MATN2: variants seen among roughly 807,000 people sequenced by gnomAD.
MATN2 encodes matrilin 2.
Under a neutral mutation model 103.2 loss-of-function variants are expected in MATN2, and 69 were observed. The observed-to-expected ratio is 0.67, with a 90% CI of 0.55 to 0.82. The LOEUF is 0.82. MATN2 is among the 40% of genes least tolerant of loss of function. The probability of loss-of-function intolerance (pLI) is 0.00; values close to 1 mark genes in which losing one functional copy is unlikely to be tolerated. For synonymous variants in MATN2, 429 were observed against 450.2 expected, an observed-to-expected ratio of 0.95 and a Z score of 0.60; for missense variants, 1,023 against 1,211.5, an observed-to-expected ratio of 0.84 and a Z score of 2.31.
At chr8:97,914,479 T>C (rs1253138307) in intron 2 of MATN2, among the ~76,000 whole-genome samples, 1 of 143,626 alleles carries the variant, frequency 7.0e-6, no homozygotes, top group Non-Finnish European at 1.5e-5. Flanking sequence ...CAAGCCATCC[T>C]CCTGCTTCAG....
chr8:97,916,041 TTTTTATTTTATTTTATTTTA>T lies in MATN2; in HGVS notation c.143-14887_143-14868del, dbSNP rs141785984. 3.1e-3 allele frequency among the ~76,000 whole-genome samples: 451 copies of T among 145,318 alleles called. 4 individuals are homozygous for T. The highest frequency in any genetic ancestry group is 0.01 in the African/African-American group (416 of 39,790). Reference sequence around the variant, plus strand: ...AATGTTTTAATATCACTGGCTATGGTTTTTATTTTATTTTATTTTATTTTATTTTATTTTATTTTATTTTT... The same window carrying T: ...AATGTTTTAATATCACTGGCTATGGTTTTTATTTTATTTTATTTTATTTTT... On this transcript the variant is annotated intron_variant, in intron 2 of 18. Coordinates refer to ENST00000254898, the MANE Select transcript of MATN2 (RefSeq NM_002380.5).
intron 5 of MATN2, among the ~76,000 whole-genome samples, chr8:97,970,431 T>C (rs1378100600): frequency 6.6e-6 from 1 of 152,218 alleles, no homozygotes; most frequent in Non-Finnish European, 1.5e-5. Context: ...TACTAGTGAA[T>C]TTATGCAGTA....
In MATN2 at chr8:97,992,628, C is replaced by T. The variant is rs998478341; in HGVS notation, c.1082-1852C>T. On this transcript the variant is annotated intron_variant, in intron 6 of 18. Transcript: ENST00000254898. ...GGGCACAGTGGCAGGCGCCTGTAATCCCAACTACTTGGGAGGCTGAGGCAG... is the reference window on the plus strand; with the variant it reads ...GGGCACAGTGGCAGGCGCCTGTAATTCCAACTACTTGGGAGGCTGAGGCAG... 7.9e-5 allele frequency among the ~76,000 whole-genome samples: 12 copies of T among 151,540 alleles called. No individual in the cohort carries two copies. In the East Asian group the frequency reaches 2.3e-3, roughly 29 times the overall value.
At chr8:97,908,324 A>G (rs547611318) in intron 2 of MATN2, among the ~76,000 whole-genome samples, 1 of 152,060 alleles carries the variant, frequency 6.6e-6, no homozygotes, top group South Asian at 2.1e-4. Context: ...ACAACTAGGA[A>G]TTAAGCCAGT....
At chr8:97,894,893 G>A (rs929971476) in intron 2 of MATN2, among the ~76,000 whole-genome samples, 2 of 149,768 alleles carry the variant, frequency 1.3e-5, no homozygotes, top group Non-Finnish European at 3.0e-5. Context: ...TTTTTTTTGA[G>A]ACAGAGTCTT....
At chr8:98,010,861 G>A (rs1813136650) in intron 10 of MATN2, among the ~76,000 whole-genome samples, 1 of 152,260 alleles carries the variant, frequency 6.6e-6, no homozygotes, top group Non-Finnish European at 1.5e-5. Flanking sequence ...AGATCTGCGA[G>A]GGCCTGTTAG....
At chr8:97,898,635 C>T (rs556338623) in intron 2 of MATN2, among the ~76,000 whole-genome samples, 3 of 151,900 alleles carry the variant, frequency 2.0e-5, no homozygotes, top group African/African-American at 7.2e-5. Flanking sequence ...TGACAAGCCA[C>T]CATGTGCCAG....
Position 97,888,247 on chromosome 8 carries a change from G to T in MATN2, c.142+5G>T, listed in dbSNP as rs1818513277. ...ACCCGCAGACGGCCCTTCTGGGTGAGTGGTGGTGCTCACCCCCAAAAGTGG... is the reference window on the plus strand; with the variant it reads ...ACCCGCAGACGGCCCTTCTGGGTGATTGGTGGTGCTCACCCCCAAAAGTGG... On this transcript the variant is annotated splice_donor_5th_base_variant and intron_variant, in intron 2 of 18. Transcript: ENST00000254898. 27 of 1,543,414 alleles carry T rather than the reference G, an allele frequency of 1.7e-5. No individual in the cohort carries two copies. Among genetic ancestry groups the T allele is most frequent in the Non-Finnish European group, 2.3e-5 (26 of 1,142,570 alleles).
chr8:97,933,241 T>C lies in MATN2; in HGVS notation c.712+1719T>C, dbSNP rs571223849. ...TGGCACTGCAGAGGCTGTGTTGTTGTGGTGTGTTGTGGCCTAAGTCAGCTG... is the reference window on the plus strand; with the variant it reads ...TGGCACTGCAGAGGCTGTGTTGTTGCGGTGTGTTGTGGCCTAAGTCAGCTG... On this transcript the variant is annotated intron_variant, in intron 3 of 18. Coordinates refer to ENST00000254898, the MANE Select transcript of MATN2 (RefSeq NM_002380.5). Among the ~76,000 whole-genome samples the C allele has an allele frequency of 7.2e-5, 11 of 152,330 alleles. No homozygotes were observed. In the East Asian group the frequency reaches 1.9e-3, roughly 27 times the overall value.
chr8:97,883,554 A>AT (rs552141646), intron 1 of MATN2, among the ~76,000 whole-genome samples: 75,392 of 133,148 alleles, frequency 0.57, 25,245 homozygotes, highest in Non-Finnish European at 0.75. Flanking sequence ...TTCCCAGCTA[A>AT]TTTTTTTTTT....
At chr8:97,904,079 C>T (rs886659012) in intron 2 of MATN2, among the ~76,000 whole-genome samples, 1 of 152,154 alleles carries the variant, frequency 6.6e-6, no homozygotes, top group Non-Finnish European at 1.5e-5. Context: ...ATTAAACTGG[C>T]AGATATTCCC....
chr8:97,932,739 G>A (rs1482553402), intron 3 of MATN2, among the ~76,000 whole-genome samples: 1 of 152,148 alleles, frequency 6.6e-6, no homozygotes, highest in South Asian at 2.1e-4. Context: ...ATCCTGATTT[G>A]GTAAACAATG....
intron 1 of MATN2, among the ~76,000 whole-genome samples, chr8:97,884,488 A>G (rs949559184): frequency 5.9e-5 from 9 of 152,320 alleles, no homozygotes; most frequent in African/African-American, 2.2e-4. Flanking sequence ...ACCAAAAATA[A>G]TAACAGCAAC....
intron 5 of MATN2, among the ~76,000 whole-genome samples, chr8:97,974,137 TTTTA>T (rs1212880814): frequency 2.0e-5 from 3 of 152,142 alleles, no homozygotes; most frequent in African/African-American, 4.8e-5. Context: ...TTGGTTTTTA[TTTTA>T]TTTATTTATT....
Position 97,941,900 on chromosome 8 carries a change from G to A in MATN2, c.835+1G>A. 2 of 1,612,678 alleles carry A rather than the reference G, an allele frequency of 1.2e-6. No homozygotes were observed. Among genetic ancestry groups the A allele is most frequent in the Non-Finnish European group, 1.7e-6 (2 of 1,179,002 alleles). On this transcript the variant is annotated splice_donor_variant, in intron 4 of 18. Coordinates refer to ENST00000254898, the MANE Select transcript of MATN2 (RefSeq NM_002380.5). LOFTEE classifies it high-confidence loss of function. ...AACTCGGATCAGACGACTTGCAGAA[G>A]TAAGATTGCTTTGCTGATGTATTTG...
intron 7 of MATN2, among the ~76,000 whole-genome samples, chr8:97,997,149 C>G (rs1247653628): frequency 6.6e-6 from 1 of 152,152 alleles, no homozygotes; most frequent in African/African-American, 2.4e-5. Flanking sequence ...GCCCTAGGGC[C>G]AAATCAGATG....
At chr8:97,893,610 C>T (rs1426054152) in intron 2 of MATN2, among the ~76,000 whole-genome samples, 9 of 143,090 alleles carry the variant, frequency 6.3e-5, no homozygotes, top group Admixed American at 6.3e-4. Flanking sequence ...TAGAGTCTTG[C>T]TGTGTCACCA....
In MATN2 at chr8:97,931,326, A is replaced by G. The variant is rs1337200721; in HGVS notation, c.516A>G (p.Arg172=). The G allele has an allele frequency of 6.2e-7, 1 of 1,613,784 alleles. No homozygotes were observed. Among genetic ancestry groups the G allele is most frequent in the Non-Finnish European group, 8.5e-7 (1 of 1,179,848 alleles). The stretch of plus-strand genomic sequence containing the variant: ...TCATAATGATCGTGACAGATGGGAG[A>G]CCTCAGGACTCCGTGGCCGAGGTGG... ...PRVIMIVTDG[R]PQDSVAEVAA... is the part of the protein sequence containing the mutation. Residue 172 remains arginine, a synonymous_variant, in exon 3 of 19, where the codon AGA becomes AGG. Coordinates refer to ENST00000254898, the MANE Select transcript of MATN2 (RefSeq NM_002380.5). This position sits in a 1 kb window ranked among gnomAD's most constrained non-coding sequence, Gnocchi z 4.1.
At chr8:97,918,043 C>T (rs1382163048) in intron 2 of MATN2, among the ~76,000 whole-genome samples, 1 of 152,102 alleles carries the variant, frequency 6.6e-6, no homozygotes, top group Non-Finnish European at 1.5e-5. Flanking sequence ...TGAGACTGCA[C>T]CACTGCACTC....
Sources: allele counts gnomAD v4.1 joint callset (sites outside exome capture counted in the v4.1 genomes callset), GRCh38; gene constraint gnomAD v4.1.1; non-coding constraint Gnocchi (gnomAD v3.1); transcripts MANE v1.5; gene names NCBI Gene and HGNC (gene_info 2026-07-23, HGNC 2026-07-21).